The following HECW2 variants were observed in gnomAD, a reference collection of about 807,000 sequenced individuals.
The protein encoded by HECW2 is HECT, C2 and WW domain containing E3 ubiquitin protein ligase 2.
A neutral mutation model predicts 175.2 loss-of-function variants in HECW2; 61 were observed. The ratio of observed to expected loss-of-function variants is 0.35; its 90% CI spans 0.28 to 0.43. The LOEUF is 0.43. Among genes scored for constraint, HECW2 ranks in the 20% least tolerant of loss-of-function variants. The pLI, the probability that HECW2 is intolerant of heterozygous loss-of-function variation, is 1.00. For synonymous variants in HECW2, 671 were observed against 731.0 expected (o/e 0.92, Z 1.32); for missense variants, 1,524 against 2,000.5 (o/e 0.76, Z 4.54).
chr2:196,495,171 G>A (rs144672392), intron 1 of HECW2, among the ~76,000 whole-genome samples: 76 of 151,708 alleles, frequency 5.0e-4, no homozygotes, highest in African/African-American at 1.6e-3. Context: ...AGGTTCAAAC[G>A]ATTCTCCTCA....
chr2:196,549,813 C>T (rs1199080505), intron 1 of HECW2, among the ~76,000 whole-genome samples: 1 of 152,204 alleles, frequency 6.6e-6, no homozygotes, highest in Non-Finnish European at 1.5e-5. Flanking sequence ...AAATGATACT[C>T]ATAGCAAAGT....
chr2:196,491,369 T>TATATAC (rs1275717195), intron 1 of HECW2, among the ~76,000 whole-genome samples: 5 of 130,630 alleles, frequency 3.8e-5, no homozygotes, highest in African/African-American at 1.5e-4. Flanking sequence ...CATATATATA[T>TATATAC]ACACACACAC....
chr2:196,221,360 T>C (rs1687663677), intron 24 of HECW2, among the ~76,000 whole-genome samples: 1 of 152,128 alleles, frequency 6.6e-6, no homozygotes, highest in African/African-American at 2.4e-5. Flanking sequence ...TCAAAACACA[T>C]GGAATGCAGA....
chr2:196,577,961 C>T lies in HECW2; in HGVS notation c.-36+15547G>A, dbSNP rs4416235. Among the ~76,000 whole-genome samples, 23 of 152,248 alleles carry T rather than the reference C, an allele frequency of 1.5e-4. No homozygotes were observed. In the East Asian group the frequency reaches 4.4e-3, roughly 29 times the overall value. ...CTTGAAATGTCCACTTTTCAACAGA[C>T]TTACAAGACATACAAATAAACAGTA... On this transcript the variant is annotated intron_variant, in intron 1 of 28. Coordinates refer to ENST00000644978, the MANE Select transcript of HECW2 (RefSeq NM_001348768.2).
intron 2 of HECW2, among the ~76,000 whole-genome samples, chr2:196,390,099 T>C (rs1694462035): frequency 6.6e-6 from 1 of 152,090 alleles, no homozygotes; most frequent in Admixed American, 6.6e-5. Flanking sequence ...TCAGATACTA[T>C]ATTATATTAT....
chr2:196,215,857 T>C lies in HECW2; in HGVS notation c.4607+8A>G. 1 of 1,574,000 alleles carries C rather than the reference T, an allele frequency of 6.4e-7. No homozygotes were observed. The highest frequency in any genetic ancestry group is 1.1e-5 in the South Asian group (1 of 90,200). ...GTGACAGTAAAGAAATGTTATTTTA[T>C]ATTTTACCTGGGAAGAGCAGTGATT... On this transcript the variant is annotated splice_region_variant and intron_variant, in intron 28 of 28. Coordinates refer to ENST00000644978, the MANE Select transcript of HECW2 (RefSeq NM_001348768.2).
At position 196,321,396 on chromosome 2, in the gene HECW2, T is replaced by TA. The variant is rs10667820; in HGVS notation, c.885-958_885-957insT. Among the ~76,000 whole-genome samples the TA allele has an allele frequency of 5.8e-3, 873 of 150,872 alleles. 8 individuals are homozygous for TA. Among genetic ancestry groups the TA allele is most frequent in the Middle Eastern group, 0.02 (6 of 294 alleles). On this transcript the variant is annotated intron_variant, in intron 7 of 28. Transcript: ENST00000644978. ...ATGACTTATTCTTTTTCTCTCTTTT[T>TA]TTTTTTTTTGAGACAGAGTCTCGCT...
intron 2 of HECW2, among the ~76,000 whole-genome samples, chr2:196,412,852 C>A (rs1192522018): frequency 6.6e-6 from 1 of 152,138 alleles, no homozygotes; most frequent in East Asian, 1.9e-4. Flanking sequence ...ATATGAAATC[C>A]TTTTACCCCA....
At chr2:196,296,579 C>A (rs1690824330) in intron 13 of HECW2, among the ~76,000 whole-genome samples, 2 of 152,312 alleles carry the variant, frequency 1.3e-5, no homozygotes, top group African/African-American at 4.8e-5. Flanking sequence ...TCCTAAGCTT[C>A]ATTAATTATG....
rs754725287 is a variant in HECW2, at chr2:196,233,235, C to T, written c.3765-4981G>A. Among the ~76,000 whole-genome samples the T allele has an allele frequency of 2.6e-5, 4 of 152,076 alleles. No homozygotes were observed. The East Asian group carries it at 5.8e-4, about 22-fold the overall frequency. On this transcript the variant is annotated intron_variant, in intron 21 of 28. Coordinates refer to ENST00000644978, the MANE Select transcript of HECW2 (RefSeq NM_001348768.2). ...AAACTCTGGACGACGGGTGTGTAGC[C>T]GCACAACAGCTGCATCTGAGGGCAT...
chr2:196,358,229 G>A (rs1211209927), intron 2 of HECW2, among the ~76,000 whole-genome samples: 1 of 152,148 alleles, frequency 6.6e-6, no homozygotes, highest in African/African-American at 2.4e-5. Flanking sequence ...GAGTACATGA[G>A]TATAGTATGT....
chr2:196,471,586 C>G (rs1353078271), intron 1 of HECW2, among the ~76,000 whole-genome samples: 1 of 152,164 alleles, frequency 6.6e-6, no homozygotes, highest in Non-Finnish European at 1.5e-5. Flanking sequence ...CAACAGTAGA[C>G]TGGATGAAGA....
chr2:196,526,688 C>T (rs1194726712), intron 1 of HECW2, among the ~76,000 whole-genome samples: 1 of 148,814 alleles, frequency 6.7e-6, no homozygotes, highest in Non-Finnish European at 1.5e-5. Flanking sequence ...GTTAGTTTTC[C>T]TTCTAACAGA....
chr2:196,416,543 T>C (rs1283859050), intron 2 of HECW2, among the ~76,000 whole-genome samples: 1 of 152,168 alleles, frequency 6.6e-6, no homozygotes, highest in Admixed American at 6.6e-5. Flanking sequence ...GAGGATCAGA[T>C]TCATGTTCAG....
intron 17 of HECW2, among the ~76,000 whole-genome samples, chr2:196,259,281 C>A (rs1220475602): frequency 6.6e-6 from 1 of 152,200 alleles, no homozygotes; most frequent in African/African-American, 2.4e-5. Flanking sequence ...CCAAGTTGCA[C>A]TGATTTTTAT....
In HECW2 at chr2:196,551,564, T is replaced by C. The variant is rs140572787; in HGVS notation, c.-36+41944A>G. 3.6e-3 allele frequency among the ~76,000 whole-genome samples: 553 copies of C among 152,314 alleles called. 4 individuals are homozygous for C. The highest frequency in any genetic ancestry group is 0.012 in the African/African-American group (518 of 41,572). ...CAGATGATAATTCAAAATATACAAA[T>C]GTCTGGATTTAACATGCTTCTTTAT... On this transcript the variant is annotated intron_variant, in intron 1 of 28. Transcript: ENST00000644978.
intron 2 of HECW2, among the ~76,000 whole-genome samples, chr2:196,351,576 A>G (rs1215785025): frequency 2.0e-5 from 3 of 152,228 alleles, no homozygotes; most frequent in Non-Finnish European, 4.4e-5. Flanking sequence ...AAATTTTTTG[A>G]GAAAGATGCC....
At chr2:196,352,832 G>T (rs987970931) in intron 2 of HECW2, among the ~76,000 whole-genome samples, 1 of 152,148 alleles carries the variant, frequency 6.6e-6, no homozygotes, top group Admixed American at 6.5e-5. Flanking sequence ...GAAACACTTG[G>T]ACTCATTTCA....
chr2:196,204,428 C>G (rs1247114231), intron 28 of HECW2, among the ~76,000 whole-genome samples: 1 of 152,094 alleles, frequency 6.6e-6, no homozygotes, highest in Non-Finnish European at 1.5e-5. Context: ...TTATTAAAAT[C>G]AAGAGAGACT....
Sources: gnomAD v4.1 joint callset for allele counts (sites outside exome capture counted in the v4.1 genomes callset) on GRCh38, gnomAD v4.1.1 for gene constraint, MANE v1.5 for transcripts, NCBI Gene and HGNC (gene_info 2026-07-23, HGNC 2026-07-21) for gene names.